TMT1B: variants seen among roughly 807,000 people sequenced by gnomAD.
TMT1B encodes the protein thiol S-methyltransferase TMT1B.
chr12:55,682,216 G>A, the TMT1B span: 2 of 1,613,832 alleles, frequency 1.2e-6, no homozygotes, highest in Admixed American at 3.3e-5. Context: ...AGAGCCCAAG[G>A]AAGGTCCTGC....
At chr12:55,682,785 A>G in the TMT1B span, among the ~76,000 whole-genome samples, 1 of 119,416 alleles carries the variant, frequency 8.4e-6, no homozygotes, top group Non-Finnish European at 1.7e-5. Context: ...CCCTGTATCA[A>G]AAAAAATAAA....
chr12:55,683,695 C>T, the TMT1B span: 1 of 1,003,848 alleles, frequency 1.0e-6, no homozygotes, highest in African/African-American at 1.6e-5. Flanking sequence ...CAGTTTGCTC[C>T]ATGAACTCTC....
At chr12:55,682,121 G>C in the TMT1B span, 1 of 1,614,172 alleles carries the variant, frequency 6.2e-7, no homozygotes, top group Middle Eastern at 1.6e-4. Flanking sequence ...TGAGCGGTTT[G>C]TGGTGGCTCC....
At chr12:55,684,019 G>A in the TMT1B span, 1 of 1,613,576 alleles carries the variant, frequency 6.2e-7, no homozygotes, top group Non-Finnish European at 8.5e-7. Flanking sequence ...TACCTGTTGG[G>A]CCCCACATCA....
chr12:55,683,757 A>G, the TMT1B span: 1 of 1,548,140 alleles, frequency 6.5e-7, no homozygotes, highest in Non-Finnish European at 8.9e-7. Context: ...GATCAGCGCG[A>G]TAGGGAGCAG....
the TMT1B span, chr12:55,684,145 C>A: frequency 8.7e-7 from 1 of 1,148,074 alleles, no homozygotes; most frequent in Non-Finnish European, 1.3e-6. Context: ...TGAGAGGGAC[C>A]TAGCAGAATG....
At chr12:55,681,767 G>T in the TMT1B span, 1 of 1,550,536 alleles carries the variant, frequency 6.4e-7, no homozygotes, top group East Asian at 2.4e-5. Context: ...GGACATCCTG[G>T]TCCCACTCCT....
chr12:55,684,045 A>C, the TMT1B span: 2 of 1,612,876 alleles, frequency 1.2e-6, no homozygotes, highest in Admixed American at 1.7e-5. Flanking sequence ...AAGGCTGTCA[A>C]ATAATCTTTC....
the TMT1B span, chr12:55,682,360 G>C: frequency 4.1e-5 from 44 of 1,069,364 alleles, 1 homozygote; most frequent in South Asian, 7.2e-4. Context: ...TAGCACATTA[G>C]ACACCCCATC....
chr12:55,683,825 T>C, the TMT1B span: 1 of 1,613,924 alleles, frequency 6.2e-7, no homozygotes, highest in Non-Finnish European at 8.5e-7. Flanking sequence ...AGGTGTGCTC[T>C]TTTTCTGGGA....
At chr12:55,681,775 C>A in the TMT1B span, 1 of 1,551,230 alleles carries the variant, frequency 6.4e-7, no homozygotes, top group African/African-American at 1.4e-5. Flanking sequence ...TGGTCCCACT[C>A]CTGCAGCTGC....
At chr12:55,683,765 C>T in the TMT1B span, 4 of 1,562,920 alleles carry the variant, frequency 2.6e-6, no homozygotes, top group Non-Finnish European at 3.5e-6. Flanking sequence ...CGATAGGGAG[C>T]AGGGTCAGAA....
At chr12:55,684,118 G>A in the TMT1B span, 1 of 1,430,170 alleles carries the variant, frequency 7.0e-7, no homozygotes, top group East Asian at 2.3e-5. Context: ...CCACCCACCA[G>A]CCTATCTATC....
the TMT1B span, chr12:55,684,166 T>C: frequency 1.4e-5 from 13 of 945,946 alleles, no homozygotes; most frequent in Non-Finnish European, 1.8e-5. Context: ...AGAGAAGACA[T>C]TCATGTACCA....
chr12:55,681,812 C>A, the TMT1B span: 1 of 1,555,710 alleles, frequency 6.4e-7, no homozygotes, highest in Non-Finnish European at 8.7e-7. Flanking sequence ...CCTGCCCCTG[C>A]ACCTCATGGC....
the TMT1B span, chr12:55,681,762 T>C: frequency 6.5e-7 from 1 of 1,549,956 alleles, no homozygotes; most frequent in African/African-American, 1.4e-5. Context: ...GCCATGGACA[T>C]CCTGGTCCCA....
At chr12:55,683,683 G>C in the TMT1B span, 1 of 884,860 alleles carries the variant, frequency 1.1e-6, no homozygotes, top group Non-Finnish European at 1.8e-6. Context: ...TCAGGGGCAC[G>C]ACAGTTTGCT....
At chr12:55,682,079 AAG>A in the TMT1B span, 1 of 1,614,202 alleles carries the variant, frequency 6.2e-7, no homozygotes, top group Non-Finnish European at 8.5e-7. Context: ...GTTCCTGACA[AAG>A]AGCATGGCTG....
chr12:55,683,529 C>T, the TMT1B span, among the ~76,000 whole-genome samples: 14 of 152,018 alleles, frequency 9.2e-5, no homozygotes, highest in Admixed American at 4.6e-4. Context: ...TACAATGAGC[C>T]CTCCACTCCT....
Sources: gnomAD v4.1 joint callset for allele counts (sites outside exome capture counted in the v4.1 genomes callset) on GRCh38, gnomAD v4.1.1 for gene constraint, MANE v1.5 for transcripts, NCBI Gene and HGNC (gene_info 2026-07-23, HGNC 2026-07-21) for gene names.